COL24A1: variants seen among roughly 807,000 people sequenced by gnomAD.
COL24A1 encodes the protein collagen alpha-1(XXIV) chain.
A neutral mutation model predicts 253.9 loss-of-function variants in COL24A1; 224 were observed. That is an observed-to-expected ratio of 0.88 (90% CI 0.79 to 0.99). The LOEUF (loss-of-function observed/expected upper bound fraction) is 0.99, where lower values mean the gene tolerates loss of function less well. COL24A1 is among the 50% of genes least tolerant of loss of function. The pLI is 0.00. For missense variants in COL24A1, 2,131 were observed against 2,068.5 expected (o/e 1.03, Z -0.59); for synonymous variants, 685 against 673.7 (o/e 1.02, Z -0.26).
intron 2 of COL24A1, among the ~76,000 whole-genome samples, chr1:86,143,851 A>G (rs897515674): frequency 5.3e-5 from 8 of 152,086 alleles, no homozygotes; most frequent in Non-Finnish European, 7.4e-5. Flanking sequence ...ACAAATATTT[A>G]TTTCTGATAA....
chr1:85,897,835 CAAT>C (rs1683901810), intron 28 of COL24A1, among the ~76,000 whole-genome samples: 1 of 151,948 alleles, frequency 6.6e-6, no homozygotes, highest in Admixed American at 6.6e-5. Context: ...ATACAAAAGA[CAAT>C]AATATACAGA....
In COL24A1 at chr1:85,734,746, T is replaced by C; in HGVS notation, c.4998+3A>G. 1 of 1,611,890 alleles carries C rather than the reference T, an allele frequency of 6.2e-7. No homozygotes were observed. Among genetic ancestry groups the C allele is most frequent in the Non-Finnish European group, 8.5e-7 (1 of 1,177,972 alleles). Reference sequence around the variant, plus strand: ...AACAATTCTAAAAGTGCCATTTCCTTACCTTGCAGTCATCTGAAAGCACTT... The same window carrying C: ...AACAATTCTAAAAGTGCCATTTCCTCACCTTGCAGTCATCTGAAAGCACTT... On this transcript the variant is annotated splice_donor_region_variant and intron_variant, in intron 59 of 59. Transcript: ENST00000370571.
chr1:86,111,467 A>G lies in COL24A1; in HGVS notation c.1599+1100T>C, dbSNP rs547466601. On this transcript the variant is annotated intron_variant, in intron 5 of 59. Coordinates refer to ENST00000370571, the MANE Select transcript of COL24A1 (RefSeq NM_152890.7). ...TAGCTCAGGGATTGTAAATGCACCA[A>G]TCAGCACTCTGTGTCTAGCTCAAGG... Among the ~76,000 whole-genome samples the G allele has an allele frequency of 2.9e-4, 44 of 152,216 alleles. 1 individual carries two copies. In the South Asian group the frequency reaches 7.7e-3, roughly 27 times the overall value.
chr1:86,013,430 T>C (rs1696716371), intron 19 of COL24A1, among the ~76,000 whole-genome samples: 1 of 152,232 alleles, frequency 6.6e-6, no homozygotes, highest in South Asian at 2.1e-4. Flanking sequence ...ACTGATCATG[T>C]GTCATCCTTT....
At chr1:86,149,096 TGTTGGCCAGGCTGGTCTCGA>T (rs1652361825) in intron 1 of COL24A1, among the ~76,000 whole-genome samples, 2 of 152,220 alleles carry the variant, frequency 1.3e-5, no homozygotes, top group Non-Finnish European at 2.9e-5. Context: ...AGTTTCACCA[TGTTGGCCAGGCTGGTCTCGA>T]ACTCCTGACC....
At chr1:85,862,977 C>T (rs4912447) in intron 37 of COL24A1, among the ~76,000 whole-genome samples, 19,853 of 152,118 alleles carry the variant, frequency 0.13, 1,433 homozygotes, top group South Asian at 0.16. Flanking sequence ...TTGTTTGTGT[C>T]CTCTTTTATT....
chr1:85,816,768 G>C lies in COL24A1; in HGVS notation c.3951+20C>G. ...ACATGCATAGGAAATAATGAGCAAA[G>C]AGATATCCGTACTACTCACAGGAAG... On this transcript the variant is annotated intron_variant, in intron 47 of 59. Coordinates refer to ENST00000370571, the MANE Select transcript of COL24A1 (RefSeq NM_152890.7). The C allele has an allele frequency of 6.3e-7, 1 of 1,578,320 alleles. No homozygotes were observed. Among genetic ancestry groups the C allele is most frequent in the African/African-American group, 1.3e-5 (1 of 74,290 alleles).
intron 37 of COL24A1, among the ~76,000 whole-genome samples, chr1:85,860,625 C>G (rs934409563): frequency 3.3e-5 from 5 of 152,118 alleles, no homozygotes; most frequent in African/African-American, 1.2e-4. Flanking sequence ...CCTGTAGTTC[C>G]AGCTACTCGG....
chr1:85,769,904 A>AT (rs955286429), intron 53 of COL24A1, among the ~76,000 whole-genome samples: 3 of 151,582 alleles, frequency 2.0e-5, no homozygotes, highest in Non-Finnish European at 4.4e-5. Context: ...GAGCCACTCA[A>AT]TTTTTTTTTC....
intron 18 of COL24A1, among the ~76,000 whole-genome samples, chr1:86,019,021 C>T (rs1697247665): frequency 6.6e-6 from 1 of 152,126 alleles, no homozygotes; most frequent in African/African-American, 2.4e-5. Context: ...TAACACCAAC[C>T]TCTTAGGTAA....
intron 55 of COL24A1, among the ~76,000 whole-genome samples, chr1:85,754,935 A>C (rs927171951): frequency 6.6e-6 from 1 of 152,206 alleles, no homozygotes; most frequent in Non-Finnish European, 1.5e-5. Context: ...GGCTGAAAAC[A>C]TCACAAATCT....
intron 43 of COL24A1, among the ~76,000 whole-genome samples, chr1:85,833,814 T>C (rs1675659739): frequency 1.3e-5 from 2 of 151,920 alleles, no homozygotes; most frequent in Admixed American, 1.3e-4. Context: ...ATGTCCTTTG[T>C]AGGGACATGG....
chr1:86,006,733 G>C (rs1389605423), intron 19 of COL24A1, among the ~76,000 whole-genome samples: 1 of 151,850 alleles, frequency 6.6e-6, no homozygotes, highest in Admixed American at 6.6e-5. Flanking sequence ...ATTTGCAAAA[G>C]GCACATCTGA....
At position 85,779,619 on chromosome 1, in the gene COL24A1, G is replaced by C. The variant is rs535326091; in HGVS notation, c.4338+1601C>G. ...TTTTCTTATTGCTAAAAGTACTTTG[G>C]TTCAGGGTTCCTATTATTTGCAGCC... On this transcript the variant is annotated intron_variant, in intron 52 of 59. Coordinates refer to ENST00000370571, the MANE Select transcript of COL24A1 (RefSeq NM_152890.7). 1.1e-3 allele frequency among the ~76,000 whole-genome samples: 172 copies of C among 152,158 alleles called. 1 individual carries two copies. The highest frequency in any genetic ancestry group is 6.8e-3 in the Middle Eastern group (2 of 294).
chr1:86,126,477 T>C (rs1269495212), intron 2 of COL24A1, among the ~76,000 whole-genome samples: 1 of 152,090 alleles, frequency 6.6e-6, no homozygotes, highest in Non-Finnish European at 1.5e-5. Context: ...ATTATTAGTT[T>C]ATTTATTATT....
chr1:85,763,915 A>C (rs1200713551), intron 53 of COL24A1, among the ~76,000 whole-genome samples: 1 of 152,228 alleles, frequency 6.6e-6, no homozygotes, highest in African/African-American at 2.4e-5. Context: ...CCCAGAATTT[A>C]CATACGATCC....
At chr1:85,957,387 C>G (rs929911152) in intron 24 of COL24A1, among the ~76,000 whole-genome samples, 8 of 151,912 alleles carry the variant, frequency 5.3e-5, no homozygotes, top group African/African-American at 1.9e-4. Context: ...AATAAAAGGG[C>G]CAGAGAAAAG....
intron 43 of COL24A1, among the ~76,000 whole-genome samples, chr1:85,837,580 T>G (rs1032547404): frequency 9.2e-5 from 14 of 152,238 alleles, no homozygotes; most frequent in Admixed American, 9.2e-4. Flanking sequence ...AGAAGACATA[T>G]GCCAAGTGGG....
chr1:85,880,334 A>T (rs897551289), intron 32 of COL24A1, among the ~76,000 whole-genome samples: 2 of 152,166 alleles, frequency 1.3e-5, no homozygotes, highest in African/African-American at 2.4e-5. Flanking sequence ...TAATATAGAA[A>T]AGCAATTGAC....
Sources: allele counts gnomAD v4.1 joint callset (sites outside exome capture counted in the v4.1 genomes callset), GRCh38; gene constraint gnomAD v4.1.1; transcripts MANE v1.5; gene names NCBI Gene and HGNC (gene_info 2026-07-23, HGNC 2026-07-21).